The following TMEM182 variants were observed in gnomAD, a reference collection of about 807,000 sequenced individuals.
TMEM182 encodes transmembrane protein 182.
TMEM182 carries 20 observed loss-of-function variants against 26.8 expected under a neutral mutation model. The ratio of observed to expected loss-of-function variants is 0.75; its 90% CI spans 0.53 to 1.09. TMEM182 has a LOEUF of 1.09. TMEM182 is among the 50% of genes least tolerant of loss of function. TMEM182 has a pLI of 0.00. For missense variants in TMEM182, 277 were observed against 275.5 expected (o/e 1.01, Z -0.04); for synonymous variants, 109 against 102.2 (o/e 1.07, Z -0.40).
At chr2:102,776,345 C>T (rs1041142949) in intron 3 of TMEM182, among the ~76,000 whole-genome samples, 4 of 152,248 alleles carry the variant, frequency 2.6e-5, no homozygotes, top group Middle Eastern at 3.4e-3. Flanking sequence ...GCCCCCAAAC[C>T]ATCGCAACCA....
At chr2:102,800,655 T>G (rs550738927) in intron 4 of TMEM182, among the ~76,000 whole-genome samples, 2 of 151,840 alleles carry the variant, frequency 1.3e-5, no homozygotes, top group African/African-American at 4.9e-5. Flanking sequence ...TTCTTTTTCC[T>G]TGCTTTTTTT....
At chr2:102,801,549 G>A (rs568099009) in intron 4 of TMEM182, among the ~76,000 whole-genome samples, 8 of 152,208 alleles carry the variant, frequency 5.3e-5, no homozygotes, top group Admixed American at 2.6e-4. Flanking sequence ...TGTCTAGCAC[G>A]GGCTTATCTC....
At chr2:102,778,860 A>G (rs1681040254) in intron 3 of TMEM182, among the ~76,000 whole-genome samples, 1 of 152,132 alleles carries the variant, frequency 6.6e-6, no homozygotes, top group Non-Finnish European at 1.5e-5. Flanking sequence ...TTTTGCTTCA[A>G]TCATCAAACA....
chr2:102,747,394 A>G (rs1016211705), intron 1 of TMEM182, among the ~76,000 whole-genome samples: 4 of 152,198 alleles, frequency 2.6e-5, no homozygotes, highest in Admixed American at 2.0e-4. Context: ...AACTAATTCT[A>G]TGCCTTTGAG....
chr2:102,839,704 G>C (rs1683312039), intron 3 of TMEM182, among the ~76,000 whole-genome samples: 1 of 152,068 alleles, frequency 6.6e-6, no homozygotes, highest in Non-Finnish European at 1.5e-5. Flanking sequence ...TGTAGCTCTA[G>C]TTGCTAGCCA....
At chr2:102,787,412 A>G (rs1039196780) in intron 3 of TMEM182, among the ~76,000 whole-genome samples, 3 of 152,162 alleles carry the variant, frequency 2.0e-5, no homozygotes, top group African/African-American at 7.2e-5. Context: ...AAAGTCACTA[A>G]TCCCATCATG....
At chr2:102,738,611 T>A (rs981820288) in intron 1 of TMEM182, among the ~76,000 whole-genome samples, 10 of 151,866 alleles carry the variant, frequency 6.6e-5, no homozygotes, top group Non-Finnish European at 1.5e-4. Context: ...TAATAAAAGA[T>A]TTGGAAGTCT....
chr2:102,838,617 G>A (rs1045871662), intron 3 of TMEM182, among the ~76,000 whole-genome samples: 5 of 152,170 alleles, frequency 3.3e-5, no homozygotes, highest in Non-Finnish European at 7.4e-5. Flanking sequence ...GTAACAACCT[G>A]AAGAATCAAA....
intron 3 of TMEM182, among the ~76,000 whole-genome samples, chr2:102,833,644 G>C: frequency 6.6e-6 from 1 of 152,110 alleles, no homozygotes; most frequent in East Asian, 1.9e-4. Flanking sequence ...TCCTTTCTCT[G>C]TTCCAGAATT....
intron 3 of TMEM182, among the ~76,000 whole-genome samples, chr2:102,823,922 C>T (rs1682977427): frequency 6.6e-6 from 1 of 152,164 alleles, no homozygotes; most frequent in African/African-American, 2.4e-5. Flanking sequence ...TGCACTAGAA[C>T]ATTGGACTTG....
chr2:102,806,534 A>T (rs76982179), intron 4 of TMEM182, among the ~76,000 whole-genome samples: 2,341 of 152,308 alleles, frequency 0.015, 66 homozygotes, highest in African/African-American at 0.053. Context: ...AAGACACCAC[A>T]GCGAGTTTAT....
At chr2:102,781,178 AC>A (rs1446205295) in intron 3 of TMEM182, among the ~76,000 whole-genome samples, 2 of 152,196 alleles carry the variant, frequency 1.3e-5, no homozygotes, top group Non-Finnish European at 2.9e-5. Flanking sequence ...GCAGAAGTTA[AC>A]TTTATCTGGT....
chr2:102,766,802 CTGGCAAAT>C (rs1196007379), intron 3 of TMEM182, among the ~76,000 whole-genome samples: 5 of 152,170 alleles, frequency 3.3e-5, no homozygotes, highest in Non-Finnish European at 7.3e-5. Context: ...GTATTGTGGC[CTGGCAAAT>C]TGTTGGTGAA....
chr2:102,836,423 C>T lies in TMEM182; in HGVS notation c.326-6989C>T, dbSNP rs1043316451. ...ATGCTGTTTGTTTTTTGGATTTTGACCATTGTAATACGTATATAATGGTAT... is the reference window on the plus strand; with the variant it reads ...ATGCTGTTTGTTTTTTGGATTTTGATCATTGTAATACGTATATAATGGTAT... On this transcript the variant is annotated intron_variant, in intron 3 of 3. Transcript: ENST00000486293. 2.6e-5 allele frequency among the ~76,000 whole-genome samples: 4 copies of T among 152,060 alleles called. No homozygotes were observed. The East Asian group carries it at 5.8e-4, about 22-fold the overall frequency.
At chr2:102,747,736 A>G (rs1238153714) in intron 1 of TMEM182, among the ~76,000 whole-genome samples, 1 of 152,218 alleles carries the variant, frequency 6.6e-6, no homozygotes, top group Non-Finnish European at 1.5e-5. Context: ...TCTTGTATAG[A>G]CAGATTTGTC....
intron 3 of TMEM182, among the ~76,000 whole-genome samples, chr2:102,776,697 T>C (rs1277729994): frequency 6.6e-6 from 1 of 152,156 alleles, no homozygotes; most frequent in Non-Finnish European, 1.5e-5. Context: ...TTCTGGATCG[T>C]ATGGTGAGAG....
intron 3 of TMEM182, among the ~76,000 whole-genome samples, chr2:102,831,568 C>A (rs537662321): frequency 6.6e-6 from 1 of 152,082 alleles, no homozygotes; most frequent in South Asian, 2.1e-4. Flanking sequence ...ACAAGCCTGG[C>A]CAACATGGTG....
chr2:102,820,592 A>C (rs768677293), downstream of TMEM182, among the ~76,000 whole-genome samples: 4 of 152,228 alleles, frequency 2.6e-5, no homozygotes, highest in Non-Finnish European at 4.4e-5. Context: ...CAAAATACAT[A>C]AAGGGGCTAA....
Position 102,814,958 on chromosome 2 carries a change from T to C in TMEM182, c.680T>C (p.Ile227Thr). The C allele has an allele frequency of 6.2e-7, 1 of 1,613,904 alleles. No homozygotes were observed. The highest frequency in any genetic ancestry group is 1.1e-5 in the South Asian group (1 of 91,064). Residue 227 changes from isoleucine to threonine, a missense_variant, in exon 5 of 5, where the codon ATA becomes ACA. Coordinates refer to ENST00000412401, the MANE Select transcript of TMEM182 (RefSeq NM_144632.5). ...CTGGTTGTTGGATGGCATATTCAGA[T>C]ACATCACTAAATCAACTGTTGCCAC... ...LFLVVGWHIQ[I>T]HH
Sources: allele counts gnomAD v4.1 joint callset (sites outside exome capture counted in the v4.1 genomes callset), GRCh38; gene constraint gnomAD v4.1.1; transcripts MANE v1.5; gene names NCBI Gene and HGNC (gene_info 2026-07-23, HGNC 2026-07-21).